MERTK: variants seen among roughly 807,000 people sequenced by gnomAD.
The protein encoded by MERTK is tyrosine-protein kinase Mer.
MERTK carries 69 observed loss-of-function variants against 99.3 expected under a neutral mutation model. The ratio of observed to expected loss-of-function variants is 0.70; its 90% CI spans 0.57 to 0.85. The LOEUF (loss-of-function observed/expected upper bound fraction) is 0.85. Among genes scored for constraint, MERTK ranks in the 40% least tolerant of loss-of-function variants. The probability of loss-of-function intolerance (pLI) is 0.00; values close to 1 mark genes in which losing one functional copy is unlikely to be tolerated. For synonymous variants in MERTK, 426 were observed against 467.6 expected, an observed-to-expected ratio of 0.91 and a Z score of 1.15; for missense variants, 1,125 against 1,249.4, an observed-to-expected ratio of 0.90 and a Z score of 1.50.
intron 7 of MERTK, among the ~76,000 whole-genome samples, chr2:111,982,112 T>C (rs1009168890): frequency 6.6e-6 from 1 of 151,572 alleles, no homozygotes; most frequent in African/African-American, 2.4e-5. Context: ...CAGGCTAGAG[T>C]GCAGTGGTGC....
chr2:112,014,841 G>A (rs557695649), intron 15 of MERTK, among the ~76,000 whole-genome samples: 1 of 152,126 alleles, frequency 6.6e-6, no homozygotes, highest in East Asian at 1.9e-4. Context: ...GTTTCACCAT[G>A]TTGGTCAGGC....
rs750138539 is a variant in MERTK at position 111,929,102 on chromosome 2, G to T, written c.62-18G>T. On this transcript the variant is annotated intron_variant, in intron 1 of 18. Transcript: ENST00000295408. Reference sequence around the variant, plus strand: ...CTTCTTATTTAAAAGGCTAAAATTTGGATGTTCTGTTTTACAGCTATCACT... The same window carrying T: ...CTTCTTATTTAAAAGGCTAAAATTTTGATGTTCTGTTTTACAGCTATCACT... 12 of 1,613,934 alleles carry T rather than the reference G, an allele frequency of 7.4e-6. No homozygotes were observed. Among genetic ancestry groups the T allele is most frequent in the Non-Finnish European group, 1.0e-5 (12 of 1,179,976 alleles).
At chr2:111,924,152 G>A (rs1384899198) in intron 1 of MERTK, among the ~76,000 whole-genome samples, 2 of 152,134 alleles carry the variant, frequency 1.3e-5, no homozygotes, top group African/African-American at 2.4e-5. Flanking sequence ...GTTCTCAAGG[G>A]TTAGACCATG....
Position 111,929,448 on chromosome 2 carries a change from G to C in MERTK, c.390G>C (p.Trp130Cys), listed in dbSNP as rs1262596828. 1 of 1,614,058 alleles carries C rather than the reference G, an allele frequency of 6.2e-7. No homozygotes were observed. Among genetic ancestry groups the C allele is most frequent in the Non-Finnish European group, 8.5e-7 (1 of 1,179,982 alleles). ...TATACCAGGACACCACAATTTCTTG[G>C]TGGAAAGATGGGAAGGAATTGCTTG... ...PNIYQDTTIS[W>C]WKDGKELLGA... The change falls in exon 2 of 19, where the codon TGG (tryptophan) becomes TGC (cysteine). Residue 130 changes from tryptophan to cysteine, a missense_variant. Physicochemically the swap from Trp to Cys is radical, Grantham distance 215 (BLOSUM62 -2). Transcript: ENST00000295408.
At chr2:112,005,031 A>G (rs1676952533) in intron 13 of MERTK, among the ~76,000 whole-genome samples, 1 of 152,178 alleles carries the variant, frequency 6.6e-6, no homozygotes, top group African/African-American at 2.4e-5. Context: ...CAGTTAGGAC[A>G]CTGTAAAATC....
chr2:112,005,606 A>G (rs752164034), intron 13 of MERTK, among the ~76,000 whole-genome samples: 3 of 152,156 alleles, frequency 2.0e-5, no homozygotes, highest in Admixed American at 6.5e-5. Context: ...GGCATGGCCT[A>G]TCACTGGGGA....
intron 15 of MERTK, among the ~76,000 whole-genome samples, chr2:112,016,706 T>C (rs1573643706): frequency 6.6e-6 from 1 of 152,234 alleles, no homozygotes. Flanking sequence ...GGAGATAGGC[T>C]GTAATAACAT....
At chr2:111,944,878 A>G (rs1458075177) in intron 2 of MERTK, 82 bp from the exon 3 acceptor site, 1 of 1,155,302 alleles carries the variant, frequency 8.7e-7, no homozygotes, top group African/African-American at 1.5e-5. Context: ...GCATATGACA[A>G]AGAAGTTGAA....
intron 1 of MERTK, among the ~76,000 whole-genome samples, chr2:111,921,330 T>C (rs941132185): frequency 5.3e-5 from 8 of 151,978 alleles, no homozygotes; most frequent in African/African-American, 1.9e-4. Context: ...TGAAACTCGG[T>C]CTTTACTAAA....
At chr2:111,984,267 A>G (rs1411434330) in intron 8 of MERTK, among the ~76,000 whole-genome samples, 1 of 152,164 alleles carries the variant, frequency 6.6e-6, no homozygotes, top group Non-Finnish European at 1.5e-5. Context: ...CACACTGAAG[A>G]GGGCAGTCTG....
At chr2:112,023,884 TACACACACACACACAG>T (rs1553460007) in intron 18 of MERTK, among the ~76,000 whole-genome samples, 2 of 150,204 alleles carry the variant, frequency 1.3e-5, no homozygotes, top group African/African-American at 2.4e-5. Flanking sequence ...GCACCCTCCC[TACACACACACACACAG>T]ACACACACAC....
chr2:111,929,860 C>G (rs1558775717), intron 2 of MERTK, among the ~76,000 whole-genome samples: 1 of 152,092 alleles, frequency 6.6e-6, no homozygotes, highest in Admixed American at 6.5e-5. Flanking sequence ...CTAGGCCTCC[C>G]AAAGTGCTGG....
rs370949485 is a variant in MERTK, at chr2:112,004,017, G to T, written c.1867+33G>T. On this transcript the variant is annotated intron_variant, in intron 13 of 18. Coordinates refer to ENST00000295408, the MANE Select transcript of MERTK (RefSeq NM_006343.3). Reference sequence around the variant, plus strand: ...ATCAGTGATGAATCCCATTCTTCTAGGGTGGGCAGTTGCTTCAGTATTGGG... The same window carrying T: ...ATCAGTGATGAATCCCATTCTTCTATGGTGGGCAGTTGCTTCAGTATTGGG... 3.2e-6 allele frequency: 5 copies of T among 1,575,258 alleles called. No homozygotes were observed. The African/African-American group carries it at 5.4e-5, about 17-fold the overall frequency.
chr2:111,963,797 T>G (rs918885219), intron 4 of MERTK, among the ~76,000 whole-genome samples: 1 of 151,914 alleles, frequency 6.6e-6, no homozygotes, highest in African/African-American at 2.4e-5. Context: ...GATCTCTCTT[T>G]CTTTTCCCCA....
At chr2:112,006,382 C>A (rs1676980745) in intron 13 of MERTK, among the ~76,000 whole-genome samples, 1 of 152,150 alleles carries the variant, frequency 6.6e-6, no homozygotes, top group African/African-American at 2.4e-5. Flanking sequence ...GGTTCAGGAA[C>A]TAGCCCCCAG....
chr2:111,968,286 T>G, intron 6 of MERTK, 34 bp downstream of exon 6: 1 of 1,535,900 alleles, frequency 6.5e-7, no homozygotes, highest in Non-Finnish European at 9.0e-7. Context: ...AAGTAGCTGT[T>G]TGGTGCTCTC....
intron 15 of MERTK, among the ~76,000 whole-genome samples, chr2:112,011,977 A>T (rs1165832884): frequency 6.6e-6 from 1 of 152,178 alleles, no homozygotes; most frequent in East Asian, 1.9e-4. Context: ...AGGGGCTCAA[A>T]TGCCCAGTGG....
rs185189591 is a variant in MERTK, at chr2:111,921,059, A to T, written c.62-8061A>T. On this transcript the variant is annotated intron_variant, in intron 1 of 18. Coordinates refer to ENST00000295408, the MANE Select transcript of MERTK (RefSeq NM_006343.3). Reference sequence around the variant, plus strand: ...TGGCCTCAGCTAGCTGTGGGGGTAAAGGGAGTGGGGTGGGAGTCCTTAACC... The same window carrying T: ...TGGCCTCAGCTAGCTGTGGGGGTAATGGGAGTGGGGTGGGAGTCCTTAACC... Among the ~76,000 whole-genome samples the T allele has an allele frequency of 9.3e-3, 1,417 of 152,228 alleles. 18 individuals carry two copies. The highest frequency in any genetic ancestry group is 0.029 in the African/African-American group (1,209 of 41,546).
chr2:112,012,002 A>C (rs1677114732), intron 15 of MERTK, among the ~76,000 whole-genome samples: 1 of 152,200 alleles, frequency 6.6e-6, no homozygotes, highest in Non-Finnish European at 1.5e-5. Context: ...GGCAGAGCCC[A>C]GTGGGGGCAT....
Sources: gnomAD v4.1 joint callset for allele counts (sites outside exome capture counted in the v4.1 genomes callset) on GRCh38, gnomAD v4.1.1 for gene constraint, MANE v1.5 for transcripts, NCBI Gene and HGNC (gene_info 2026-07-23, HGNC 2026-07-21) for gene names.